The following DLG2 variants were observed in gnomAD, a reference collection of about 807,000 sequenced individuals.
The protein encoded by DLG2 is disks large homolog 2.
DLG2 carries 45 observed loss-of-function variants against 132.5 expected under a neutral mutation model. The ratio of observed to expected loss-of-function variants is 0.34; its 90% CI spans 0.27 to 0.44. The LOEUF is 0.44. Ranked by LOEUF, DLG2 falls within the 20% of genes least tolerant of loss-of-function variation. The pLI is 1.00. For synonymous variants in DLG2, 424 were observed against 419.6 expected, an observed-to-expected ratio of 1.01 and a Z score of -0.13; for missense variants, 1,045 against 1,196.9, an observed-to-expected ratio of 0.87 and a Z score of 1.87.
intron 18 of DLG2, among the ~76,000 whole-genome samples, chr11:83,690,599 T>C (rs2153618759): frequency 6.6e-6 from 1 of 150,792 alleles, no homozygotes; most frequent in Admixed American, 6.6e-5. Context: ...CCTTTACAAG[T>C]ACTTATTTGC....
chr11:83,518,303 C>T (rs1169874151), intron 21 of DLG2, among the ~76,000 whole-genome samples: 2 of 152,168 alleles, frequency 1.3e-5, no homozygotes, highest in South Asian at 2.1e-4. Flanking sequence ...GCTCCATGGG[C>T]GTAGAACCCT....
intron 19 of DLG2, among the ~76,000 whole-genome samples, chr11:83,561,883 C>CTTTTTTTTTTTTTTT (rs66514406): frequency 8.0e-5 from 7 of 87,946 alleles, no homozygotes; most frequent in Admixed American, 1.5e-4. Flanking sequence ...GTATTTCTTT[C>CTTTTTTTTTTTTTTT]TTTTTTTTTT....
chr11:85,020,736 C>T, intron 6 of DLG2: 2 of 630,448 alleles, frequency 3.2e-6, no homozygotes, highest in Admixed American at 1.9e-5. Context: ...AAAGCTGAAA[C>T]TGGATAATGG....
chr11:84,062,078 C>G (rs1273458890), intron 10 of DLG2, among the ~76,000 whole-genome samples: 1 of 152,140 alleles, frequency 6.6e-6, no homozygotes, highest in African/African-American at 2.4e-5. Flanking sequence ...AAAAAAAATT[C>G]TGGAGGCTAT....
intron 10 of DLG2, 56 bp from the exon 11 acceptor site, chr11:84,059,540 A>G: frequency 3.7e-6 from 5 of 1,335,316 alleles, no homozygotes; most frequent in South Asian, 1.6e-5. Flanking sequence ...TTTCTTAAAG[A>G]ATATTATTAT....
chr11:85,442,351 G>A (rs545426836), intron 3 of DLG2, among the ~76,000 whole-genome samples: 2 of 152,334 alleles, frequency 1.3e-5, no homozygotes, highest in South Asian at 4.1e-4. Context: ...TTGGACTAGA[G>A]CAGTAGCAGT....
intron 6 of DLG2, among the ~76,000 whole-genome samples, chr11:84,940,633 C>T (rs1031365358): frequency 1.3e-5 from 2 of 152,136 alleles, no homozygotes; most frequent in Non-Finnish European, 1.5e-5. Context: ...CTCTTAATCC[C>T]TTGTCAAATG....
chr11:83,509,165 C>T (rs1436716714), intron 21 of DLG2, among the ~76,000 whole-genome samples: 1 of 152,236 alleles, frequency 6.6e-6, no homozygotes, highest in Non-Finnish European at 1.5e-5. Context: ...ACGGGCCAGG[C>T]ACACTGCTTC....
rs768330854 is a variant in DLG2, at chr11:84,756,195, T to G, written c.358-221464A>C. On this transcript the variant is annotated intron_variant, in intron 6 of 27. Transcript: ENST00000376104. ...TAATTATAATTAAAGAATACTTTTTTATGCCTTTGTTTTCTAGACTCTGTG... is the reference window on the plus strand; with the variant it reads ...TAATTATAATTAAAGAATACTTTTTGATGCCTTTGTTTTCTAGACTCTGTG... 2.0e-5 allele frequency among the ~76,000 whole-genome samples: 3 copies of G among 152,378 alleles called. No individual in the cohort carries two copies. In the East Asian group the frequency reaches 5.8e-4, roughly 29 times the overall value.
chr11:85,201,262 A>C (rs2081436869), intron 4 of DLG2, among the ~76,000 whole-genome samples: 1 of 152,126 alleles, frequency 6.6e-6, no homozygotes, highest in Admixed American at 6.5e-5. Flanking sequence ...TGAAAGACCC[A>C]CACACCTCTG....
intron 18 of DLG2, among the ~76,000 whole-genome samples, chr11:83,781,785 A>G (rs567391120): frequency 8.5e-5 from 13 of 152,306 alleles, no homozygotes; most frequent in South Asian, 6.2e-4. Context: ...CTCCAAGTCA[A>G]TATCTGTGGC....
intron 18 of DLG2, among the ~76,000 whole-genome samples, chr11:83,756,503 G>T (rs2093652484): frequency 6.6e-6 from 1 of 151,408 alleles, no homozygotes; most frequent in Non-Finnish European, 1.5e-5. Flanking sequence ...TGGCTCTAAG[G>T]CCAGACTTCC....
intron 7 of DLG2, among the ~76,000 whole-genome samples, chr11:84,353,736 C>G (rs2098595472): frequency 6.6e-6 from 1 of 152,142 alleles, no homozygotes; most frequent in Admixed American, 6.6e-5. Flanking sequence ...CTTCTTGGCT[C>G]TGTGTTCTTC....
chr11:84,771,620 G>C (rs554599232), intron 6 of DLG2, among the ~76,000 whole-genome samples: 2 of 152,212 alleles, frequency 1.3e-5, no homozygotes, highest in South Asian at 4.1e-4. Flanking sequence ...ACACAATAAT[G>C]GCCTAATAAA....
chr11:85,400,447 A>G (rs1244720630), intron 3 of DLG2, among the ~76,000 whole-genome samples: 1 of 148,118 alleles, frequency 6.8e-6, no homozygotes. Context: ...TACCCAAAGG[A>G]TTATAAATCA....
intron 3 of DLG2, among the ~76,000 whole-genome samples, chr11:85,401,488 G>C (rs1172780938): frequency 6.6e-6 from 1 of 151,488 alleles, no homozygotes; most frequent in African/African-American, 2.4e-5. Context: ...GTTCTGGCTA[G>C]GGCAATCAGG....
At chr11:84,273,061 G>A (rs756358821) in intron 7 of DLG2, 1 of 1,145,150 alleles carries the variant, frequency 8.7e-7, no homozygotes, top group African/African-American at 1.6e-5. Context: ...CAAATGCACA[G>A]AATTTATACA....
At chr11:85,137,453 T>C (rs2076203929) in intron 5 of DLG2, among the ~76,000 whole-genome samples, 1 of 152,158 alleles carries the variant, frequency 6.6e-6, no homozygotes, top group Non-Finnish European at 1.5e-5. Flanking sequence ...TATTTCCGTC[T>C]CATCACACTG....
chr11:85,283,952 A>G (rs958675104), intron 4 of DLG2, among the ~76,000 whole-genome samples: 1 of 151,954 alleles, frequency 6.6e-6, no homozygotes, highest in Admixed American at 6.6e-5. Context: ...AAAGCAGGAA[A>G]TTGAAGATAG....
Sources: allele counts gnomAD v4.1 joint callset (sites outside exome capture counted in the v4.1 genomes callset), GRCh38; gene constraint gnomAD v4.1.1; transcripts MANE v1.5; gene names NCBI Gene and HGNC (gene_info 2026-07-23, HGNC 2026-07-21).